Variants in SORCS3 observed in about 807,000 individuals in gnomAD.
SORCS3 encodes VPS10 domain-containing receptor SorCS3.
A neutral mutation model predicts 146.3 loss-of-function variants in SORCS3; 57 were observed. That is an observed-to-expected ratio of 0.39 (90% CI 0.31 to 0.49). The LOEUF is 0.49. Among genes scored for constraint, SORCS3 ranks in the 20% least tolerant of loss-of-function variants. The probability of loss-of-function intolerance (pLI) is 0.92; values close to 1 mark genes in which losing one functional copy is unlikely to be tolerated. For missense variants in SORCS3, 1,341 were observed against 1,575.5 expected (o/e 0.85, Z 2.52); for synonymous variants, 653 against 618.5 (o/e 1.06, Z -0.83).
rs2019215808 is a variant in SORCS3 at position 104,932,271 on chromosome 10, C to T, written c.795+16339C>T. On this transcript the variant is annotated intron_variant, in intron 3 of 26. Transcript: ENST00000369701. ...AAATGATTTGGAGCATTCCCTACCA[C>T]TCTCTTCTCTGAAGTAGCTATAAAG... Among the ~76,000 whole-genome samples the T allele has an allele frequency of 3.9e-5, 6 of 152,346 alleles. No individual in the cohort carries two copies. In the South Asian group the frequency reaches 1.2e-3, roughly 32 times the overall value.
intron 1 of SORCS3, among the ~76,000 whole-genome samples, chr10:104,702,258 C>G (rs1456626371): frequency 6.6e-6 from 1 of 152,186 alleles, no homozygotes; most frequent in African/African-American, 2.4e-5. Context: ...CTTTTCCCTT[C>G]AGAACTGTGT....
intron 6 of SORCS3, 115 bp downstream of exon 6, chr10:105,089,954 G>A (rs2055690580): frequency 1.3e-6 from 1 of 768,050 alleles, no homozygotes; most frequent in Non-Finnish European, 2.2e-6. Context: ...CTCCATTACA[G>A]CCACATCCAT....
At chr10:105,253,065 G>A (rs951630333) in intron 23 of SORCS3, among the ~76,000 whole-genome samples, 159 bp downstream of exon 23, 1 of 152,128 alleles carries the variant, frequency 6.6e-6, no homozygotes, top group African/African-American at 2.4e-5. Context: ...AAATACAGGT[G>A]CAAATAGACT....
intron 5 of SORCS3, among the ~76,000 whole-genome samples, chr10:105,086,798 T>C (rs987800537): frequency 6.6e-6 from 1 of 152,186 alleles, no homozygotes; most frequent in African/African-American, 2.4e-5. Flanking sequence ...TGCTTGTAGA[T>C]TCTTGATATT....
At chr10:105,178,467 G>A (rs184071523) in intron 14 of SORCS3, among the ~76,000 whole-genome samples, 43 of 152,204 alleles carry the variant, frequency 2.8e-4, no homozygotes, top group South Asian at 2.1e-4. Context: ...AACTTATGTC[G>A]TTAGATGGTT....
chr10:104,734,750 A>G (rs1408605340), intron 1 of SORCS3, among the ~76,000 whole-genome samples: 1 of 152,214 alleles, frequency 6.6e-6, no homozygotes, highest in Non-Finnish European at 1.5e-5. Context: ...TTTTGCAATG[A>G]AAATACATCT....
chr10:104,935,398 T>C (rs967635442), intron 3 of SORCS3, among the ~76,000 whole-genome samples: 10 of 152,166 alleles, frequency 6.6e-5, no homozygotes, highest in Admixed American at 6.5e-5. Context: ...CTTTAAAACA[T>C]ACCCATGCTC....
intron 2 of SORCS3, among the ~76,000 whole-genome samples, chr10:104,905,680 A>G (rs2018897552): frequency 6.6e-6 from 1 of 152,212 alleles, no homozygotes; most frequent in African/African-American, 2.4e-5. Context: ...TAATGGCATA[A>G]AACAACAGCA....
intron 7 of SORCS3, among the ~76,000 whole-genome samples, chr10:105,107,157 C>G (rs923053746): frequency 6.6e-6 from 1 of 152,172 alleles, no homozygotes; most frequent in Non-Finnish European, 1.5e-5. Context: ...TGTGGCACAA[C>G]CCCCTACCAG....
chr10:105,169,014 T>C (rs2056337667), intron 13 of SORCS3, among the ~76,000 whole-genome samples: 1 of 152,182 alleles, frequency 6.6e-6, no homozygotes, highest in South Asian at 2.1e-4. Context: ...ATATTAATGA[T>C]AGTCAGTATT....
intron 1 of SORCS3, among the ~76,000 whole-genome samples, chr10:104,751,986 A>T: frequency 8.2e-6 from 1 of 121,690 alleles, no homozygotes; most frequent in Admixed American, 9.6e-5. Flanking sequence ...TAGCAGCAGG[A>T]ATGAGGTTTT....
Position 104,814,844 on chromosome 10 carries a change from C to T in SORCS3, c.628-27948C>T, listed in dbSNP as rs2017779115. On this transcript the variant is annotated intron_variant, in intron 1 of 26. Transcript: ENST00000369701. ...AAACACAGCAAGCTAATTATTTGTACTTCAGCTCCCATTTTTAAGTCTTCT... is the reference window on the plus strand; with the variant it reads ...AAACACAGCAAGCTAATTATTTGTATTTCAGCTCCCATTTTTAAGTCTTCT... Among the ~76,000 whole-genome samples, 3 of 152,196 alleles carry T rather than the reference C, an allele frequency of 2.0e-5. No homozygotes were observed. The South Asian group carries it at 6.2e-4, about 32-fold the overall frequency.
rs145158522 is a variant in SORCS3 at position 104,870,101 on chromosome 10, C to T, written c.695+27242C>T. On this transcript the variant is annotated intron_variant, in intron 2 of 26. Transcript: ENST00000369701. ...GTCATTATCATTATTTCTGTTCTCA[C>T]GGAATTGATGCATATTATAAATGTC... is the stretch of plus-strand genomic sequence containing the variant. 7.6e-3 allele frequency among the ~76,000 whole-genome samples: 1,165 copies of T among 152,314 alleles called. 3 individuals carry two copies. Among genetic ancestry groups the T allele is most frequent in the Non-Finnish European group, 0.012 (815 of 68,026 alleles).
At chr10:104,949,855 C>T (rs1445331687) in intron 3 of SORCS3, among the ~76,000 whole-genome samples, 1 of 152,184 alleles carries the variant, frequency 6.6e-6, no homozygotes, top group Non-Finnish European at 1.5e-5. Flanking sequence ...TTATTAGCCA[C>T]TTGGCAGATG....
chr10:105,051,477 T>C (rs966186354), intron 5 of SORCS3, among the ~76,000 whole-genome samples: 28 of 152,246 alleles, frequency 1.8e-4, no homozygotes, highest in African/African-American at 6.5e-4. Flanking sequence ...CTTCTATTCA[T>C]TTAGGAACTT....
chr10:104,669,707 G>T (rs2015827659), intron 1 of SORCS3, among the ~76,000 whole-genome samples: 1 of 152,152 alleles, frequency 6.6e-6, no homozygotes, highest in African/African-American at 2.4e-5. Context: ...ATGGGTATAT[G>T]GTATACCAGT....
intron 14 of SORCS3, among the ~76,000 whole-genome samples, chr10:105,193,865 T>G (rs982055611): frequency 2.6e-5 from 4 of 152,066 alleles, no homozygotes; most frequent in African/African-American, 9.7e-5. Context: ...ATGTTAGCAG[T>G]GTAGGCATTT....
intron 2 of SORCS3, among the ~76,000 whole-genome samples, chr10:104,886,905 T>C (rs2018694038): frequency 6.6e-6 from 1 of 152,208 alleles, no homozygotes; most frequent in Non-Finnish European, 1.5e-5. Context: ...TTATTCACTT[T>C]CCTGCCTGTG....
At position 105,070,475 on chromosome 10, in the gene SORCS3, CA is replaced by C. The variant is rs574443300; in HGVS notation, c.1029-19298del. Among the ~76,000 whole-genome samples, 165 of 152,298 alleles carry C rather than the reference CA, an allele frequency of 1.1e-3. 1 individual carries two copies. Among genetic ancestry groups the C allele is most frequent in the African/African-American group, 3.8e-3 (160 of 41,566 alleles). On this transcript the variant is annotated intron_variant, in intron 5 of 26. Coordinates refer to ENST00000369701, the MANE Select transcript of SORCS3 (RefSeq NM_014978.3). ...GTAGATCTGAATCAGATATATGTGA[CA>C]ACTTCAGAGAAAGGGAGAAATCCTA...
Sources: gnomAD v4.1 joint callset for allele counts (sites outside exome capture counted in the v4.1 genomes callset) on GRCh38, gnomAD v4.1.1 for gene constraint, MANE v1.5 for transcripts, NCBI Gene and HGNC (gene_info 2026-07-23, HGNC 2026-07-21) for gene names.